Variants in SPATS2L observed in about 807,000 individuals in gnomAD.
The protein encoded by SPATS2L is spermatogenesis associated serine rich 2 like.
Under a neutral mutation model 59.6 loss-of-function variants are expected in SPATS2L, and 30 were observed. That is an observed-to-expected ratio of 0.50 (90% CI 0.38 to 0.68). SPATS2L has a LOEUF of 0.68. Ranked by LOEUF, SPATS2L falls within the 30% of genes least tolerant of loss-of-function variation. The pLI, the probability that SPATS2L is intolerant of heterozygous loss-of-function variation, is 0.00. For missense variants in SPATS2L, 615 were observed against 700.0 expected, an observed-to-expected ratio of 0.88 and a Z score of 1.37; for synonymous variants, 252 against 263.5, an observed-to-expected ratio of 0.96 and a Z score of 0.42.
At position 200,447,937 on chromosome 2, in the gene SPATS2L, A is replaced by T. The variant is rs185834777; in HGVS notation, c.788+7153A>T. On this transcript the variant is annotated intron_variant, in intron 8 of 12. Transcript: ENST00000409140. ...TAAACAAGTAGTGAAGACAAAAATC[A>T]AGAGTTTGGCCAGCTGGAGCAACAC... 2.2e-3 allele frequency among the ~76,000 whole-genome samples: 328 copies of T among 152,348 alleles called. 4 individuals are homozygous for T. Among genetic ancestry groups the T allele is most frequent in the African/African-American group, 7.4e-3 (309 of 41,586 alleles).
intron 8 of SPATS2L, 66 bp from the exon 9 acceptor site, chr2:200,459,703 G>A: frequency 2.5e-6 from 3 of 1,204,358 alleles, no homozygotes; most frequent in Non-Finnish European, 3.6e-6. Flanking sequence ...TACTTTCAGT[G>A]CTTATTAAAA....
At chr2:200,351,716 T>TGAG (rs1476897625) in intron 2 of SPATS2L, among the ~76,000 whole-genome samples, 1 of 152,074 alleles carries the variant, frequency 6.6e-6, no homozygotes, top group Non-Finnish European at 1.5e-5. Context: ...ATTGAGATTT[T>TGAG]TTTTTGATGC....
chr2:200,467,806 C>G (rs1266107190), intron 10 of SPATS2L, among the ~76,000 whole-genome samples: 1 of 152,148 alleles, frequency 6.6e-6, no homozygotes, highest in African/African-American at 2.4e-5. Context: ...GATTAGAAAG[C>G]ATGCGGTCTG....
intron 2 of SPATS2L, among the ~76,000 whole-genome samples, chr2:200,381,300 G>A (rs918960674): frequency 6.6e-5 from 10 of 152,102 alleles, no homozygotes; most frequent in Non-Finnish European, 1.2e-4. Context: ...CAGCACCCAC[G>A]CCTTTTATAA....
intron 12 of SPATS2L, among the ~76,000 whole-genome samples, chr2:200,473,748 C>G (rs2087264360): frequency 6.6e-6 from 1 of 152,118 alleles, no homozygotes; most frequent in Non-Finnish European, 1.5e-5. Flanking sequence ...TCCTATAATC[C>G]CAGCACTTTG....
At chr2:200,407,104 C>G (rs1046673368) in intron 3 of SPATS2L, among the ~76,000 whole-genome samples, 1 of 151,830 alleles carries the variant, frequency 6.6e-6, no homozygotes, top group Non-Finnish European at 1.5e-5. Flanking sequence ...AATGCTCCCA[C>G]TTTTTTCTTT....
chr2:200,426,948 G>C (rs1299329657), intron 6 of SPATS2L, among the ~76,000 whole-genome samples: 1 of 152,092 alleles, frequency 6.6e-6, no homozygotes, highest in Admixed American at 6.5e-5. Context: ...ACAGGATGTA[G>C]TGATAGGAGG....
At chr2:200,459,162 C>T (rs4674086) in intron 8 of SPATS2L, among the ~76,000 whole-genome samples, 61,450 of 152,040 alleles carry the variant, frequency 0.4, 13,421 homozygotes, top group East Asian at 0.58. Flanking sequence ...AATACCTTTT[C>T]GAAGGACTAA....
chr2:200,412,277 CATTTCT>C (rs767920971), intron 3 of SPATS2L, 28 bp from the exon 4 acceptor site: 229 of 1,249,456 alleles, frequency 1.8e-4, no homozygotes, highest in Non-Finnish European at 2.1e-4. Flanking sequence ...AAAGTGTTCA[CATTTCT>C]ATTTCTTTTT....
At chr2:200,338,654 T>G (rs756685477) in intron 2 of SPATS2L, among the ~76,000 whole-genome samples, 1 of 152,354 alleles carries the variant, frequency 6.6e-6, no homozygotes. Flanking sequence ...ACAGCTTTTC[T>G]TAATGAAAAT....
chr2:200,372,277 C>A, intron 2 of SPATS2L: 2 of 825,518 alleles, frequency 2.4e-6, no homozygotes, highest in East Asian at 2.5e-4. Context: ...CTCCATTATC[C>A]TCATTCAATG....
intron 2 of SPATS2L, among the ~76,000 whole-genome samples, chr2:200,383,108 T>G (rs1413271674): frequency 6.6e-6 from 1 of 152,174 alleles, no homozygotes; most frequent in Non-Finnish European, 1.5e-5. Context: ...GAGCTTCTCT[T>G]TCTGTCTGGT....
At chr2:200,412,883 C>T (rs2082927930) in intron 4 of SPATS2L, among the ~76,000 whole-genome samples, 2 of 151,630 alleles carry the variant, frequency 1.3e-5, no homozygotes, top group South Asian at 4.2e-4. Flanking sequence ...GAAACCCCGT[C>T]TCTATAAAAA....
rs536876278 is a variant in SPATS2L, at chr2:200,306,884, C to T, written c.-111C>T. On this transcript the variant is annotated 5_prime_UTR_variant, in exon 1 of 13. Transcript: ENST00000409140. ...TGGCGACCGCGCCCCCGGGCCCCGG[C>T]TCCGGCCCGGGACGGAGGAGCCGGC... 2.7e-4 allele frequency: 266 copies of T among 981,352 alleles called. No homozygotes were observed. The highest frequency in any genetic ancestry group is 1.7e-3 in the East Asian group (15 of 8,626). 60.8% of individuals were successfully genotyped at this position (981,352 alleles called of 1,614,324 possible).
intron 2 of SPATS2L, among the ~76,000 whole-genome samples, chr2:200,349,946 C>T (rs1484648592): frequency 1.3e-5 from 2 of 152,156 alleles, no homozygotes; most frequent in Non-Finnish European, 2.9e-5. Flanking sequence ...TAAGAGTAGC[C>T]ACTGCCCCAG....
intron 11 of SPATS2L, 73 bp from the exon 12 acceptor site, chr2:200,472,759 C>G: frequency 7.7e-7 from 1 of 1,304,816 alleles, no homozygotes; most frequent in South Asian, 1.2e-5. Context: ...CATCTTCTAG[C>G]GCTTCCTAAT....
chr2:200,378,193 G>A (rs1368701519), intron 2 of SPATS2L: 2 of 1,001,626 alleles, frequency 2.0e-6, no homozygotes, highest in East Asian at 1.1e-4. Context: ...CCAAGATCCT[G>A]CTACTACCCT....
At chr2:200,349,206 C>T (rs1400314812) in intron 2 of SPATS2L, among the ~76,000 whole-genome samples, 3 of 152,234 alleles carry the variant, frequency 2.0e-5, no homozygotes, top group Non-Finnish European at 4.4e-5. Flanking sequence ...AGCATTCCGT[C>T]TGTCACTTTA....
chr2:200,343,241 G>A (rs1006306713), intron 2 of SPATS2L, among the ~76,000 whole-genome samples: 3 of 152,202 alleles, frequency 2.0e-5, no homozygotes, highest in Admixed American at 6.5e-5. Flanking sequence ...ACTTAACACA[G>A]GGGAGGGAGA....
Sources: allele counts gnomAD v4.1 joint callset (sites outside exome capture counted in the v4.1 genomes callset), GRCh38; gene constraint gnomAD v4.1.1; transcripts MANE v1.5; gene names NCBI Gene and HGNC (gene_info 2026-07-23, HGNC 2026-07-21).